Variants in DLD observed in about 807,000 individuals in gnomAD.
DLD encodes dihydrolipoyl dehydrogenase, mitochondrial.
A neutral mutation model predicts 62.2 loss-of-function variants in DLD; 36 were observed. The observed-to-expected ratio is 0.58, with a 90% CI of 0.44 to 0.76. The LOEUF (loss-of-function observed/expected upper bound fraction) is 0.76. Ranked by LOEUF, DLD falls within the 30% of genes least tolerant of loss-of-function variation. DLD has a pLI of 0.00. For synonymous variants in DLD, 204 were observed against 199.6 expected, an observed-to-expected ratio of 1.02 and a Z score of -0.19; for missense variants, 541 against 608.6, an observed-to-expected ratio of 0.89 and a Z score of 1.17.
chr7:107,917,864 T>C, intron 11 of DLD, 60 bp from the exon 12 acceptor site: 1 of 1,607,138 alleles, frequency 6.2e-7, no homozygotes, highest in Non-Finnish European at 8.5e-7. Flanking sequence ...TAGATGATTT[T>C]ACAAATTGGA....
chr7:107,901,442 A>G (rs2031872921), intron 2 of DLD, among the ~76,000 whole-genome samples: 1 of 152,130 alleles, frequency 6.6e-6, no homozygotes, highest in African/African-American at 2.4e-5. Context: ...TATTAAATCA[A>G]TAGAATTTAG....
At chr7:107,901,846 A>T in intron 3 of DLD, 29 bp downstream of exon 3, 1 of 1,565,260 alleles carries the variant, frequency 6.4e-7, no homozygotes, top group Non-Finnish European at 8.8e-7. Context: ...CTAAGTATTG[A>T]TTTATTTTAA....
chr7:107,895,114 T>C (rs553466192), intron 2 of DLD, among the ~76,000 whole-genome samples: 1 of 152,332 alleles, frequency 6.6e-6, no homozygotes, highest in South Asian at 2.1e-4. Flanking sequence ...AACTGATGCA[T>C]TGAGGGCTTC....
At chr7:107,893,363 A>T in intron 2 of DLD, 85 bp downstream of exon 2, 1 of 1,016,270 alleles carries the variant, frequency 9.8e-7, no homozygotes, top group Non-Finnish European at 1.5e-6. Context: ...GAATATTGGA[A>T]TAACTTATGT....
intron 6 of DLD, 77 bp downstream of exon 6, chr7:107,905,135 A>G (rs1004767478): frequency 1.7e-6 from 2 of 1,158,184 alleles, no homozygotes; most frequent in Non-Finnish European, 2.5e-6. Context: ...ATGATATTTG[A>G]ACTTGGTTAC....
At chr7:107,910,135 A>G (rs1020992091) in intron 8 of DLD, among the ~76,000 whole-genome samples, 3 of 152,166 alleles carry the variant, frequency 2.0e-5, no homozygotes, top group Non-Finnish European at 2.9e-5. Context: ...GATTACAGGC[A>G]TGAGCCACCA....
chr7:107,912,216 T>C (rs1441588908), intron 8 of DLD, among the ~76,000 whole-genome samples: 3 of 152,176 alleles, frequency 2.0e-5, no homozygotes, highest in African/African-American at 2.4e-5. Context: ...TACCACATTT[T>C]CTTTGTTTGT....
chr7:107,917,414 C>A lies in DLD; in HGVS notation c.1188C>A (p.His396Gln), dbSNP rs780250126. 6.2e-7 allele frequency: 1 copy of A among 1,614,140 alleles called. No homozygotes were observed. The highest frequency in any genetic ancestry group is 1.1e-5 in the South Asian group (1 of 91,084). The change falls in exon 11 of 14, where the codon CAC becomes CAA. Residue 396 changes from histidine to glutamine, a missense_variant. By Grantham distance (24) the His-to-Gln change is conservative. Transcript: ENST00000205402. ...GTGTGCCATCAGTGATTTACACACA[C>A]CCTGAAGTTGCTTGGGTTGGCAAAT... Reference protein sequence around the residue: ...YNCVPSVIYTHPEVAWVGKSE... With the variant: ...YNCVPSVIYTQPEVAWVGKSE...
At chr7:107,903,787 G>T in intron 5 of DLD, 2 of 357,226 alleles carry the variant, frequency 5.6e-6, no homozygotes, top group Non-Finnish European at 5.3e-6. Context: ...TATATCTTCT[G>T]TTCCTTTGCC....
In DLD at chr7:107,917,342, C is replaced by T; in HGVS notation, c.1116C>T (p.Ile372=). 1 of 1,614,108 alleles carries T rather than the reference C, an allele frequency of 6.2e-7. No homozygotes were observed. The highest frequency in any genetic ancestry group is 2.2e-5 in the East Asian group (1 of 44,876). ...LAHKAEDEGI[I]CVEGMAGGAV... The stretch of plus-strand genomic sequence containing the variant: ...ACAAAGCAGAGGATGAAGGCATTAT[C>T]TGTGTTGAAGGAATGGCTGGTGGTG... The change falls in exon 11 of 14, where the codon ATC becomes ATT. Residue 372 remains isoleucine (I), a synonymous_variant. Coordinates refer to ENST00000205402, the MANE Select transcript of DLD (RefSeq NM_000108.5).
intron 8 of DLD, among the ~76,000 whole-genome samples, chr7:107,912,759 T>C (rs991733631): frequency 1.3e-5 from 2 of 152,196 alleles, no homozygotes; most frequent in Admixed American, 6.5e-5. Flanking sequence ...GGGTTGTCTC[T>C]TTGTGGACTG....
chr7:107,917,429 G>A lies in DLD; in HGVS notation c.1203G>A (p.Trp401Ter). ...SVIYTHPEVA[W>*]VGKSEEQLKE... Reference sequence around the variant, plus strand: ...TTTACACACACCCTGAAGTTGCTTGGGTTGGCAAATCAGAAGAGCAGTTGA... The same window carrying A: ...TTTACACACACCCTGAAGTTGCTTGAGTTGGCAAATCAGAAGAGCAGTTGA... The change falls in exon 11 of 14, where the codon TGG (tryptophan) becomes TGA (stop). Residue 401 changes from tryptophan to a stop codon, truncating the protein, a stop_gained. Coordinates refer to ENST00000205402, the MANE Select transcript of DLD (RefSeq NM_000108.5). LOFTEE classifies it high-confidence loss of function. 6.2e-7 allele frequency: 1 copy of A among 1,614,138 alleles called. No individual in the cohort carries two copies. Among genetic ancestry groups the A allele is most frequent in the Non-Finnish European group, 8.5e-7 (1 of 1,180,012 alleles).
rs2032312897 is a variant in DLD at position 107,918,003 on chromosome 7, T to C, written c.1316T>C (p.Val439Ala). ...AKTNADTDGMVKILGQKSTDR... is the reference protein window; with the variant it reads ...AKTNADTDGMAKILGQKSTDR... The stretch of plus-strand genomic sequence containing the variant: ...ACAAATGCTGACACAGATGGCATGG[T>C]GAAGATCCTTGGGCAGAAATCGACA... Residue 439 changes from valine (V) to alanine (A), a missense_variant, in exon 12 of 14, where the codon GTG becomes GCG. Coordinates refer to ENST00000205402, the MANE Select transcript of DLD (RefSeq NM_000108.5). 1.2e-6 allele frequency: 2 copies of C among 1,613,984 alleles called. No individual in the cohort carries two copies. Among genetic ancestry groups the C allele is most frequent in the African/African-American group, 1.3e-5 (1 of 74,912 alleles).
In DLD at chr7:107,916,812, T is replaced by G; in HGVS notation, c.894T>G (p.Gly298=). The change falls in exon 10 of 14, where the codon GGT becomes GGG. Residue 298 remains glycine (G), a synonymous_variant. Transcript: ENST00000205402. Reference sequence around the variant, plus strand: ...TATCTAGTATTGAAGCTGCTTCTGGTGGTAAAGCTGAAGTTATCACTTGTG... The same window carrying G: ...TATCTAGTATTGAAGCTGCTTCTGGGGGTAAAGCTGAAGTTATCACTTGTG... ...KIDVSIEAAS[G]GKAEVITCDV... is the part of the protein sequence containing the mutation. 1 of 1,613,304 alleles carries G rather than the reference T, an allele frequency of 6.2e-7. No individual in the cohort carries two copies. Among genetic ancestry groups the G allele is most frequent in the Non-Finnish European group, 8.5e-7 (1 of 1,179,902 alleles).
chr7:107,891,114 C>A, upstream of DLD: 1 of 1,106,832 alleles, frequency 9.0e-7, no homozygotes. Context: ...GGTAGAACCG[C>A]GCGGGCCAAT....
rs373033716 is a variant in DLD at position 107,911,691 on chromosome 7, GT to G, written c.685-3806del. ...TTGTGTAGTAGTAACTCACTGTGGG[GT>G]TTTTTTTTCTATTTTTATTTTTTAA... On this transcript the variant is annotated intron_variant, in intron 8 of 13. Transcript: ENST00000205402. Among the ~76,000 whole-genome samples, 1,384 of 150,022 alleles carry G rather than the reference GT, an allele frequency of 9.2e-3. 19 individuals carry two copies. The highest frequency in any genetic ancestry group is 0.032 in the African/African-American group (1,315 of 40,868).
At chr7:107,915,073 T>C (rs534570481) in intron 8 of DLD, among the ~76,000 whole-genome samples, 2 of 152,360 alleles carry the variant, frequency 1.3e-5, no homozygotes, top group South Asian at 4.1e-4. Flanking sequence ...CAAATGTCAC[T>C]CCCAGTGAGG....
chr7:107,916,718 T>G, intron 9 of DLD, 76 bp from the exon 10 acceptor site: 2 of 1,417,870 alleles, frequency 1.4e-6, no homozygotes, highest in Non-Finnish European at 1.0e-6. Flanking sequence ...ACTTGAGAAA[T>G]TGCTGGCCTT....
rs2032308552 is a variant in DLD at position 107,917,869 on chromosome 7, A to G, written c.1237-55A>G. 8 of 1,610,740 alleles carry G rather than the reference A, an allele frequency of 5.0e-6. No homozygotes were observed. The Middle Eastern group carries it at 4.9e-4, about 99-fold the overall frequency. On this transcript the variant is annotated intron_variant, in intron 11 of 13. Transcript: ENST00000205402. Reference sequence around the variant, plus strand: ...GAACAAATGGTAGATGATTTTACAAATTGGAAAGAACTTTTCTGGCAGTTA... The same window carrying G: ...GAACAAATGGTAGATGATTTTACAAGTTGGAAAGAACTTTTCTGGCAGTTA...
Sources: gnomAD v4.1 joint callset for allele counts (sites outside exome capture counted in the v4.1 genomes callset) on GRCh38, gnomAD v4.1.1 for gene constraint, MANE v1.5 for transcripts, NCBI Gene and HGNC (gene_info 2026-07-23, HGNC 2026-07-21) for gene names.